Variants in OPA1 observed in about 807,000 individuals in gnomAD.
The protein encoded by OPA1 is dynamin-like GTPase OPA1, mitochondrial.
In OPA1, 59 loss-of-function variants were observed where a neutral mutation model predicts 152.9. The observed-to-expected ratio is 0.39, with a 90% CI of 0.31 to 0.48. OPA1 has a LOEUF of 0.48. OPA1 is among the 20% of genes least tolerant of loss of function. The pLI is 0.96. For missense variants in OPA1, 1,008 were observed against 1,216.8 expected (o/e 0.83, Z 2.55); for synonymous variants, 400 against 389.9 (o/e 1.03, Z -0.31).
rs914711229 is a variant in OPA1 at position 193,684,937 on chromosome 3, G to A, written c.2984-7126G>A. 7.2e-5 allele frequency among the ~76,000 whole-genome samples: 11 copies of A among 152,144 alleles called. No individual in the cohort carries two copies. The South Asian group carries it at 8.3e-4, about 11-fold the overall frequency. ...AAAATATGTAGAAAGTATTTGAAGC[G>A]GTTTTAATTGTACTAGCCAAAAGGA... On this transcript the variant is annotated intron_variant, in intron 29 of 30. Coordinates refer to ENST00000361510, the MANE Select transcript of OPA1 (RefSeq NM_130837.3).
intron 22 of OPA1, among the ~76,000 whole-genome samples, chr3:193,656,406 A>G (rs924236982): frequency 4.6e-5 from 7 of 152,180 alleles, no homozygotes; most frequent in African/African-American, 7.2e-5. Flanking sequence ...CCACATAGTT[A>G]TAAGTAGATT....
chr3:193,694,610 G>C lies in OPA1; in HGVS notation c.*10G>C, dbSNP rs1024947205. 1 of 152,068 alleles carries C rather than the reference G, an allele frequency of 6.6e-6. No individual in the cohort carries two copies. Among genetic ancestry groups the C allele is most frequent in the African/African-American group, 2.4e-5 (1 of 41,412 alleles). The allele number at this position is 152,068 out of a possible 1,614,324, so 9.4% of individuals were successfully genotyped here. A position where few individuals can be genotyped will look rare whatever the true frequency, so the allele number is the denominator to read the frequency against. On this transcript the variant is annotated 3_prime_UTR_variant, in exon 31 of 31. Transcript: ENST00000361510. ...TAAATGGGTTTATTTTTACAGAATC[G>C]TACTCATAATCAGCTCTGCATACAT...
At chr3:193,630,422 TAAA>T (rs1179425928) in intron 7 of OPA1, among the ~76,000 whole-genome samples, 1 of 152,158 alleles carries the variant, frequency 6.6e-6, no homozygotes, top group African/African-American at 2.4e-5. Flanking sequence ...ATTATTGAAA[TAAA>T]AAATTGGGGA....
chr3:193,606,410 TC>T (rs1003022412), intron 1 of OPA1, among the ~76,000 whole-genome samples: 1 of 128,280 alleles, frequency 7.8e-6, no homozygotes. Context: ...ATGCTATCCC[TC>T]CCCCCTCCCC....
chr3:193,624,445 T>C (rs1451894155), intron 6 of OPA1: 1 of 152,172 alleles, frequency 6.6e-6, no homozygotes, highest in African/African-American at 2.4e-5. Flanking sequence ...ATTTGAACAC[T>C]TGGATAATTT....
In OPA1 at chr3:193,615,665, G is replaced by C; in HGVS notation, c.352-9G>C. 6.6e-7 allele frequency: 1 copy of C among 1,519,394 alleles called. No individual in the cohort carries two copies. Among genetic ancestry groups the C allele is most frequent in the Non-Finnish European group, 9.1e-7 (1 of 1,093,922 alleles). The allele number at this position is 1,519,394 out of a possible 1,614,324, so 94.1% of individuals were successfully genotyped here. A position where few individuals can be genotyped will look rare whatever the true frequency, so the allele number is the denominator to read the frequency against. On this transcript the variant is annotated splice_polypyrimidine_tract_variant and intron_variant, in intron 2 of 30. Transcript: ENST00000361510. ...GAGCATCTGATTGACACACTTTCTT[G>C]TCTTTTAGACTTTTGATCAGTGGAA...
At chr3:193,694,367 A>G (rs1214973976) in intron 30 of OPA1, among the ~76,000 whole-genome samples, 1 of 152,260 alleles carries the variant, frequency 6.6e-6, no homozygotes, top group African/African-American at 2.4e-5. Flanking sequence ...TTTATATGCT[A>G]TACAGTCATA....
At chr3:193,622,724 T>C (rs1730367676) in intron 6 of OPA1, among the ~76,000 whole-genome samples, 1 of 152,226 alleles carries the variant, frequency 6.6e-6, no homozygotes, top group Non-Finnish European at 1.5e-5. Context: ...CTATTTACTT[T>C]GGCTTACATT....
intron 26 of OPA1, among the ~76,000 whole-genome samples, chr3:193,663,456 G>A (rs531975525): frequency 1.9e-4 from 29 of 152,140 alleles, no homozygotes; most frequent in African/African-American, 5.8e-4. Context: ...GTTAATGTGA[G>A]AATAAAAATA....
intron 29 of OPA1, among the ~76,000 whole-genome samples, chr3:193,675,935 CT>C (rs1453641657): frequency 6.6e-6 from 1 of 152,244 alleles, no homozygotes; most frequent in Non-Finnish European, 1.5e-5. Context: ...AAACTTTCTT[CT>C]ACTCTGTCTT....
At chr3:193,674,840 G>A (rs1718632172) in intron 29 of OPA1, among the ~76,000 whole-genome samples, 1 of 151,114 alleles carries the variant, frequency 6.6e-6, no homozygotes, top group South Asian at 2.1e-4. Flanking sequence ...TATTGTACTC[G>A]GAATTTGGAA....
chr3:193,633,086 T>G (rs189078934), intron 8 of OPA1, among the ~76,000 whole-genome samples: 2 of 129,264 alleles, frequency 1.5e-5, no homozygotes, highest in Non-Finnish European at 3.4e-5. Context: ...TAGACTCACC[T>G]GTGCTCTGAG....
chr3:193,610,963 T>C (rs928006953), intron 1 of OPA1, among the ~76,000 whole-genome samples: 1 of 152,184 alleles, frequency 6.6e-6, no homozygotes, highest in African/African-American at 2.4e-5. Context: ...GAAAGGGAAT[T>C]CCCTGACCCC....
chr3:193,656,921 T>C (rs1352886113), intron 22 of OPA1, among the ~76,000 whole-genome samples, 159 bp from the exon 23 acceptor site: 1 of 152,216 alleles, frequency 6.6e-6, no homozygotes, highest in Non-Finnish European at 1.5e-5. Context: ...CTCTACATCA[T>C]GGTTTATATT....
At position 193,654,911 on chromosome 3, in the gene OPA1, A is replaced by C. The variant is rs1480952132; in HGVS notation, c.2062A>C (p.Ile688Leu). The change falls in exon 22 of 31, where the codon ATT becomes CTT. Residue 688 changes from isoleucine to leucine, a missense_variant. Ile to Leu is a conservative substitution (Grantham distance 5). This residue lies in a region of OPA1 where 229 missense variants were observed against 269.0 expected (regional missense o/e 0.85). Transcript: ENST00000361510. ...GTGGGAAAGAGTATCAACTCATGTG[A>C]TTGAAAACATCTACCTTCCAGCTGC... ...SLWERVSTHV[I>L]ENIYLPAAQT... is the part of the protein sequence containing the mutation. 6 of 1,613,784 alleles carry C rather than the reference A, an allele frequency of 3.7e-6. No homozygotes were observed. The highest frequency in any genetic ancestry group is 4.2e-6 in the Non-Finnish European group (5 of 1,179,938).
chr3:193,606,982 C>T (rs1293734964), intron 1 of OPA1, among the ~76,000 whole-genome samples: 1 of 152,192 alleles, frequency 6.6e-6, no homozygotes, highest in Non-Finnish European at 1.5e-5. Flanking sequence ...GTTGGTATCT[C>T]ATTGTGGTTT....
intron 29 of OPA1, among the ~76,000 whole-genome samples, chr3:193,678,445 A>C (rs1474783540): frequency 6.6e-6 from 1 of 152,116 alleles, no homozygotes; most frequent in Non-Finnish European, 1.5e-5. Flanking sequence ...AGTTTAAGAC[A>C]CTTTTGAATG....
At chr3:193,667,136 A>G (rs772088043) in intron 28 of OPA1, 34 bp from the exon 29 acceptor site, 11 of 971,118 alleles carry the variant, frequency 1.1e-5, no homozygotes, top group Non-Finnish European at 1.9e-5. Flanking sequence ...TATAAAAACG[A>G]TGCTCCTCAG....
intron 23 of OPA1, 22 bp downstream of exon 23, chr3:193,657,254 G>T: frequency 1.9e-6 from 3 of 1,611,838 alleles, no homozygotes; most frequent in Non-Finnish European, 2.5e-6. Context: ...GTATACTGGG[G>T]TATCAGCCTC....
Sources: allele counts gnomAD v4.1 joint callset (sites outside exome capture counted in the v4.1 genomes callset), GRCh38; gene constraint gnomAD v4.1.1; regional missense constraint gnomAD v4.1.1; transcripts MANE v1.5; gene names NCBI Gene and HGNC (gene_info 2026-07-23, HGNC 2026-07-21).